The following SGCD variants were observed in gnomAD, a reference collection of about 807,000 sequenced individuals.
SGCD encodes sarcoglycan delta.
A neutral mutation model predicts 36.6 loss-of-function variants in SGCD; 18 were observed. The observed-to-expected ratio is 0.49, with a 90% confidence interval of 0.34 to 0.73. SGCD has a LOEUF of 0.73. SGCD is among the 30% of genes least tolerant of loss of function. The probability of loss-of-function intolerance (pLI) is 0.01; values close to 1 mark genes in which losing one functional copy is unlikely to be tolerated. For synonymous variants in SGCD, 133 were observed against 130.6 expected (o/e 1.02, Z -0.12); for missense variants, 387 against 346.7 (o/e 1.12, Z -0.92).
chr5:156,561,869 A>G (rs1219477887), intron 4 of SGCD, among the ~76,000 whole-genome samples: 1 of 152,162 alleles, frequency 6.6e-6, no homozygotes, highest in Non-Finnish European at 1.5e-5. Context: ...TTACTTTACT[A>G]TTTCATTAAG....
chr5:156,432,200 C>T (rs1753052605), intron 3 of SGCD, among the ~76,000 whole-genome samples: 1 of 152,192 alleles, frequency 6.6e-6, no homozygotes, highest in African/African-American at 2.4e-5. Context: ...CTGTGAGATT[C>T]CTCCATTGTA....
chr5:156,463,546 G>T (rs1417625475), intron 3 of SGCD, among the ~76,000 whole-genome samples: 1 of 152,080 alleles, frequency 6.6e-6, no homozygotes. Flanking sequence ...GTTGAAATTA[G>T]TGTGGTGTTT....
At chr5:156,331,902 C>T (rs190041049) in intron 2 of SGCD, among the ~76,000 whole-genome samples, 2 of 152,314 alleles carry the variant, frequency 1.3e-5, no homozygotes, top group East Asian at 1.9e-4. Flanking sequence ...TCATTCCTAT[C>T]GTTACCTATG....
chr5:155,906,773 C>G (rs1342455674), intron 1 of SGCD, among the ~76,000 whole-genome samples: 1 of 149,662 alleles, frequency 6.7e-6, no homozygotes, highest in Non-Finnish European at 1.5e-5. Context: ...CATAAAAGTG[C>G]AAGGTGAAGC....
intron 1 of SGCD, among the ~76,000 whole-genome samples, chr5:155,972,889 T>C (rs1296391086): frequency 6.6e-6 from 1 of 152,182 alleles, no homozygotes; most frequent in East Asian, 1.9e-4. Context: ...TTATGCCCCT[T>C]GCCCATTTTT....
chr5:156,560,391 G>T (rs1759218621), intron 4 of SGCD, among the ~76,000 whole-genome samples: 1 of 152,260 alleles, frequency 6.6e-6, no homozygotes, highest in South Asian at 2.1e-4. Flanking sequence ...TGGTTGAAGA[G>T]GGAAATCTGG....
chr5:156,337,114 AG>A (rs533945198), intron 2 of SGCD, among the ~76,000 whole-genome samples: 149 of 152,356 alleles, frequency 9.8e-4, no homozygotes, highest in Admixed American at 8.6e-3. Flanking sequence ...AAACCTTGAA[AG>A]CAAACAGTTT....
intron 7 of SGCD, among the ~76,000 whole-genome samples, chr5:156,694,679 A>T (rs972323242): frequency 6.6e-6 from 1 of 152,200 alleles, no homozygotes; most frequent in Non-Finnish European, 1.5e-5. Flanking sequence ...TTAAAACATC[A>T]TTCTCCAAGA....
intron 1 of SGCD, among the ~76,000 whole-genome samples, chr5:156,048,799 C>G (rs1224466059): frequency 3.3e-5 from 5 of 152,032 alleles, no homozygotes; most frequent in African/African-American, 7.2e-5. Flanking sequence ...ATGGTAGTTT[C>G]TTTTGCTGCG....
chr5:155,885,035 G>T lies in SGCD; in HGVS notation c.-282+14611G>T, dbSNP rs1038299786. ...TCTCTTCATAGCATTTAGCATAAAT[G>T]TATTTCATGAGTGAAAGAACATGTA... is the stretch of plus-strand genomic sequence containing the variant. On this transcript the variant is annotated intron_variant, in intron 1 of 9. Coordinates refer to the SGCD transcript ENST00000517913. Among the ~76,000 whole-genome samples the T allele has an allele frequency of 1.2e-4, 14 of 117,166 alleles. 6 individuals are homozygous for T. The highest frequency in any genetic ancestry group is 9.9e-4 in the Admixed American group (10 of 10,116). The allele number at this position is 117,166 out of a possible 152,430, so 76.9% of individuals were successfully genotyped here.
chr5:156,334,661 A>G (rs1409593928), intron 2 of SGCD, among the ~76,000 whole-genome samples: 2 of 120,976 alleles, frequency 1.7e-5, no homozygotes, highest in South Asian at 4.8e-4. Context: ...ACTTTTCCTC[A>G]TAGCATTCAT....
chr5:156,228,832 C>T (rs558924290), intron 3 of SGCD, among the ~76,000 whole-genome samples: 2 of 151,996 alleles, frequency 1.3e-5, no homozygotes, highest in East Asian at 3.9e-4. Flanking sequence ...TTTAGCCATC[C>T]TTATAGTGGT....
At chr5:156,641,343 C>T (rs1183848541) in intron 6 of SGCD, among the ~76,000 whole-genome samples, 1 of 152,130 alleles carries the variant, frequency 6.6e-6, no homozygotes, top group Non-Finnish European at 1.5e-5. Context: ...AAAACTATAT[C>T]TCACATATGT....
At chr5:155,850,251 G>A in the SGCD span, among the ~76,000 whole-genome samples, 26 of 152,274 alleles carry the variant, frequency 1.7e-4, no homozygotes, top group Non-Finnish European at 2.9e-4. Flanking sequence ...AAATTGAGGA[G>A]CTTAGGCAGA....
intron 3 of SGCD, among the ~76,000 whole-genome samples, chr5:156,247,404 A>T (rs989163273): frequency 6.6e-6 from 1 of 152,192 alleles, no homozygotes; most frequent in East Asian, 1.9e-4. Context: ...TCATTCAATG[A>T]TTTATAATAG....
chr5:156,360,245 A>AT lies in SGCD; in HGVS notation c.192+15586dup, dbSNP rs34088944. Among the ~76,000 whole-genome samples the AT allele has an allele frequency of 4.1e-3, 565 of 138,166 alleles. 1 individual carries two copies. The highest frequency in any genetic ancestry group is 9.4e-3 in the African/African-American group (347 of 37,076). The allele number at this position is 138,166 out of a possible 152,430, so 90.6% of individuals were successfully genotyped here. On this transcript the variant is annotated intron_variant, in intron 3 of 8. Coordinates refer to ENST00000337851, the MANE Select transcript of SGCD (RefSeq NM_000337.6). ...TTTTACATATACCTACCCTTTCCTA[A>AT]TTTTTTTTTTTTTTTTTTGGAGACA...
At chr5:156,465,871 A>G (rs1754699417) in intron 3 of SGCD, among the ~76,000 whole-genome samples, 1 of 152,232 alleles carries the variant, frequency 6.6e-6, no homozygotes, top group African/African-American at 2.4e-5. Context: ...AACAGGACTC[A>G]GCACTTTCTA....
intron 3 of SGCD, among the ~76,000 whole-genome samples, chr5:156,175,859 C>T (rs935992675): frequency 1.6e-5 from 2 of 128,126 alleles, no homozygotes; most frequent in African/African-American, 6.5e-5. Context: ...AATTACGGTA[C>T]CCTAAATTAA....
In SGCD at chr5:156,382,618, C is replaced by T. The variant is rs185065457; in HGVS notation, c.192+37941C>T. ...TAAAAAGTAATAAAAATCAGGGACA[C>T]GTGTGTGACATGTTATAATAATAAT... is the stretch of plus-strand genomic sequence containing the variant. On this transcript the variant is annotated intron_variant, in intron 3 of 8. Transcript: ENST00000337851. Among the ~76,000 whole-genome samples the T allele has an allele frequency of 2.9e-4, 44 of 152,110 alleles. No individual in the cohort carries two copies. In the East Asian group the frequency reaches 7.3e-3, roughly 25 times the overall value.
Sources: gnomAD v4.1 joint callset for allele counts (sites outside exome capture counted in the v4.1 genomes callset) on GRCh38, gnomAD v4.1.1 for gene constraint, MANE v1.5 for transcripts, NCBI Gene and HGNC (gene_info 2026-07-23, HGNC 2026-07-21) for gene names.